Variants in AGBL4 observed in about 807,000 individuals in gnomAD.
The protein encoded by AGBL4 is AGBL carboxypeptidase 4.
Under a neutral mutation model 66.4 loss-of-function variants are expected in AGBL4, and 58 were observed. That is an observed-to-expected ratio of 0.87 (90% CI 0.71 to 1.09). The LOEUF (loss-of-function observed/expected upper bound fraction) is 1.09, where lower values mean the gene tolerates loss of function less well. AGBL4 is among the 50% of genes least tolerant of loss of function. AGBL4 has a pLI of 0.00. For synonymous variants in AGBL4, 234 were observed against 222.9 expected (o/e 1.05, Z -0.44); for missense variants, 579 against 631.0 (o/e 0.92, Z 0.88).
chr1:48,887,275 C>T (rs1018753866), intron 5 of AGBL4, among the ~76,000 whole-genome samples: 1 of 152,060 alleles, frequency 6.6e-6, no homozygotes, highest in African/African-American at 2.4e-5. Flanking sequence ...GTTTTCTATG[C>T]CCTACTTAGG....
chr1:49,276,121 T>TACAC (rs150008463), intron 3 of AGBL4, among the ~76,000 whole-genome samples: 12 of 150,764 alleles, frequency 8.0e-5, no homozygotes, highest in African/African-American at 2.4e-4. Flanking sequence ...TACATATATA[T>TACAC]ACACACACAC....
chr1:48,740,599 G>T (rs575401425), intron 6 of AGBL4, among the ~76,000 whole-genome samples: 3 of 152,306 alleles, frequency 2.0e-5, no homozygotes, highest in Admixed American at 2.0e-4. Flanking sequence ...GTCAAAGGAG[G>T]TTATTAAAAA....
At chr1:48,839,696 C>T (rs900433438) in intron 6 of AGBL4, among the ~76,000 whole-genome samples, 3 of 152,000 alleles carry the variant, frequency 2.0e-5, no homozygotes, top group Non-Finnish European at 2.9e-5. Context: ...ACTTTGCATA[C>T]GGGCAAATTG....
intron 5 of AGBL4, among the ~76,000 whole-genome samples, chr1:49,038,451 G>C (rs1021242469): frequency 6.6e-6 from 1 of 151,554 alleles, no homozygotes; most frequent in African/African-American, 2.4e-5. Context: ...GATTCCCTGG[G>C]AATTAAGGCT....
At chr1:49,710,263 A>G (rs951905540) in intron 2 of AGBL4, among the ~76,000 whole-genome samples, 8 of 152,232 alleles carry the variant, frequency 5.3e-5, no homozygotes, top group African/African-American at 1.7e-4. Flanking sequence ...TGCAGCCATA[A>G]AAAGGATGAG....
chr1:48,582,808 A>G (rs76887435), intron 11 of AGBL4, among the ~76,000 whole-genome samples: 1,647 of 152,282 alleles, frequency 0.011, 34 homozygotes, highest in African/African-American at 0.038. Context: ...CACCATGTCC[A>G]TTTATTTATT....
chr1:49,255,969 G>A (rs1488689355), intron 3 of AGBL4, among the ~76,000 whole-genome samples: 2 of 152,038 alleles, frequency 1.3e-5, no homozygotes, highest in African/African-American at 2.4e-5. Flanking sequence ...ATAACACATG[G>A]TCACACAGAG....
At chr1:49,299,735 T>C (rs1644708840) in intron 3 of AGBL4, among the ~76,000 whole-genome samples, 1 of 152,184 alleles carries the variant, frequency 6.6e-6, no homozygotes, top group Non-Finnish European at 1.5e-5. Context: ...GGAATAAACA[T>C]TCCATTTCTC....
chr1:49,643,912 T>A (rs914795930), intron 3 of AGBL4, among the ~76,000 whole-genome samples: 5 of 151,554 alleles, frequency 3.3e-5, no homozygotes, highest in Non-Finnish European at 7.4e-5. Context: ...AAATGGAAAA[T>A]TCACTGATAA....
intron 1 of AGBL4, among the ~76,000 whole-genome samples, chr1:49,867,007 T>C (rs924223363): frequency 6.6e-6 from 1 of 152,100 alleles, no homozygotes; most frequent in Non-Finnish European, 1.5e-5. Flanking sequence ...GGCTTTAATG[T>C]TGTTTCCTTC....
At chr1:49,959,766 G>A (rs1462714792) in intron 1 of AGBL4, among the ~76,000 whole-genome samples, 3 of 152,014 alleles carry the variant, frequency 2.0e-5, no homozygotes, top group Non-Finnish European at 2.9e-5. Context: ...CAATAGCAAA[G>A]ACATGGAATG....
chr1:49,514,612 C>A (rs1364721634), intron 3 of AGBL4, among the ~76,000 whole-genome samples: 1 of 152,104 alleles, frequency 6.6e-6, no homozygotes, highest in Non-Finnish European at 1.5e-5. Context: ...AAGCTGGAGG[C>A]ATCACGCTAC....
At chr1:49,729,676 A>G (rs1649284748) in intron 2 of AGBL4, among the ~76,000 whole-genome samples, 1 of 152,224 alleles carries the variant, frequency 6.6e-6, no homozygotes, top group Non-Finnish European at 1.5e-5. Flanking sequence ...AACATCTAGC[A>G]TAACTAGCAG....
intron 3 of AGBL4, among the ~76,000 whole-genome samples, chr1:49,624,899 A>G (rs557573074): frequency 1.3e-5 from 2 of 152,278 alleles, no homozygotes; most frequent in African/African-American, 2.4e-5. Context: ...TAACTAATAT[A>G]CTTGCCTTCA....
At chr1:49,866,748 G>A (rs1471533752) in intron 1 of AGBL4, among the ~76,000 whole-genome samples, 1 of 151,598 alleles carries the variant, frequency 6.6e-6, no homozygotes, top group Non-Finnish European at 1.5e-5. Flanking sequence ...TGGGCAACAA[G>A]TTTGAAACTC....
intron 6 of AGBL4, among the ~76,000 whole-genome samples, chr1:48,826,365 C>T (rs1166092007): frequency 6.6e-6 from 1 of 152,140 alleles, no homozygotes; most frequent in Non-Finnish European, 1.5e-5. Flanking sequence ...AGCCATGTAC[C>T]ATCACCATGA....
At chr1:49,530,278 A>AAAAAAAAAAAAAAAAAAAAAAAAAC (rs1186915086) in intron 3 of AGBL4, among the ~76,000 whole-genome samples, 51 of 145,174 alleles carry the variant, frequency 3.5e-4, no homozygotes, top group Non-Finnish European at 6.9e-4. Flanking sequence ...AAAAACAAAA[A>AAAAAAAAAAAAAAAAAAAAAAAAAC]AAAACTCTAT....
intron 3 of AGBL4, among the ~76,000 whole-genome samples, chr1:49,288,115 C>G (rs374066558): frequency 7.1e-6 from 1 of 141,268 alleles, no homozygotes; most frequent in Non-Finnish European, 1.5e-5. Flanking sequence ...ATCGCAAGAA[C>G]AAAAAACCAA....
chr1:48,648,435 G>C (rs1645874382), intron 8 of AGBL4, among the ~76,000 whole-genome samples: 1 of 152,336 alleles, frequency 6.6e-6, no homozygotes, highest in African/African-American at 2.4e-5. Context: ...GATGGAAGGT[G>C]CCTTTCATCC....
Sources: allele counts gnomAD v4.1 joint callset (sites outside exome capture counted in the v4.1 genomes callset), GRCh38; gene constraint gnomAD v4.1.1; transcripts MANE v1.5; gene names NCBI Gene and HGNC (gene_info 2026-07-23, HGNC 2026-07-21).